The following KSR2 variants were observed in gnomAD, a reference collection of about 807,000 sequenced individuals.
The protein encoded by KSR2 is kinase suppressor of ras 2.
A neutral mutation model predicts 107.8 loss-of-function variants in KSR2; 25 were observed. That is an observed-to-expected ratio of 0.23 (90% CI 0.17 to 0.32). KSR2 has a LOEUF of 0.32. Among genes scored for constraint, KSR2 ranks in the 10% least tolerant of loss-of-function variants. The pLI is 1.00. For synonymous variants in KSR2, 480 were observed against 507.0 expected (o/e 0.95, Z 0.71); for missense variants, 887 against 1,268.9 (o/e 0.70, Z 4.57).
chr12:117,466,905 T>G lies in KSR2; in HGVS notation c.*294A>C. The G allele has an allele frequency of 2.8e-6, 1 of 363,556 alleles. No individual in the cohort carries two copies. 22.5% of individuals were successfully genotyped at this position (363,556 alleles called of 1,614,324 possible). A position where few individuals can be genotyped will look rare whatever the true frequency, so the allele number is the denominator to read the frequency against. ...AGTCCCATAGCCCAAAGGCACCACGTGCAGCCTGCAGTGCTCTCATTAGTG... is the reference window on the plus strand; with the variant it reads ...AGTCCCATAGCCCAAAGGCACCACGGGCAGCCTGCAGTGCTCTCATTAGTG... On this transcript the variant is annotated 3_prime_UTR_variant, in exon 20 of 20. Transcript: ENST00000339824.
intron 5 of KSR2, among the ~76,000 whole-genome samples, chr12:117,634,100 C>T (rs1363838054): frequency 1.3e-5 from 2 of 152,108 alleles, no homozygotes; most frequent in African/African-American, 2.4e-5. Flanking sequence ...ATGTGGTGGG[C>T]GATCCATGAC....
intron 6 of KSR2, 72 bp downstream of exon 6, chr12:117,582,218 G>T: frequency 7.7e-7 from 1 of 1,306,346 alleles, no homozygotes; most frequent in Non-Finnish European, 1.1e-6. Context: ...CTCACCCCAG[G>T]GCAGGGGCCA....
At chr12:117,740,115 G>T (rs1888116431) in intron 4 of KSR2, among the ~76,000 whole-genome samples, 1 of 146,604 alleles carries the variant, frequency 6.8e-6, no homozygotes. Context: ...AAAGTTCATT[G>T]TATCATTCTT....
At position 117,968,903 on chromosome 12, in the gene KSR2, T is replaced by TGCTGCTGCTGCC. The variant is rs551570827; in HGVS notation, c.-660_-649dup. The TGCTGCTGCTGCC allele has an allele frequency of 3.3e-4, 84 of 255,964 alleles. 1 individual carries two copies. Among genetic ancestry groups the TGCTGCTGCTGCC allele is most frequent in the South Asian group, 2.9e-3 (83 of 28,242 alleles). 15.9% of individuals were successfully genotyped at this position (255,964 alleles called of 1,614,324 possible). On this transcript the variant is annotated 5_prime_UTR_variant, in exon 1 of 20. Transcript: ENST00000339824. ...TGTCTCCTCCCCGCGCTGCTGCTGC[T>TGCTGCTGCTGCC]GCTGCTGCTGCCGCCGCCGGGCTCC...
At chr12:117,699,597 G>A (rs1413797296) in intron 4 of KSR2, among the ~76,000 whole-genome samples, 1 of 152,124 alleles carries the variant, frequency 6.6e-6, no homozygotes, top group East Asian at 1.9e-4. Flanking sequence ...CATAGAAAAG[G>A]TACAGGCAAA....
intron 1 of KSR2, among the ~76,000 whole-genome samples, chr12:117,940,302 T>C (rs891798363): frequency 4.6e-5 from 7 of 152,202 alleles, no homozygotes; most frequent in Non-Finnish European, 8.8e-5. Flanking sequence ...GTAACTTTTA[T>C]TCATACCCCA....
chr12:117,632,365 C>G (rs1195009246), intron 5 of KSR2, among the ~76,000 whole-genome samples: 2 of 151,644 alleles, frequency 1.3e-5, no homozygotes, highest in South Asian at 2.1e-4. Context: ...GCTGGGATTA[C>G]AGGTGCCCGC....
At chr12:117,470,244 C>T (rs374658147) in intron 18 of KSR2, among the ~76,000 whole-genome samples, 2 of 148,362 alleles carry the variant, frequency 1.3e-5, no homozygotes, top group Non-Finnish European at 1.5e-5. Context: ...TGTATCTACA[C>T]ATCTACCCAT....
chr12:117,812,308 G>C (rs1395559291), intron 3 of KSR2, among the ~76,000 whole-genome samples: 1 of 152,106 alleles, frequency 6.6e-6, no homozygotes, highest in Non-Finnish European at 1.5e-5. Flanking sequence ...ATGACATGTT[G>C]CAATGATTCT....
chr12:117,658,378 G>A (rs1454845014), intron 5 of KSR2, among the ~76,000 whole-genome samples: 2 of 152,244 alleles, frequency 1.3e-5, no homozygotes, highest in East Asian at 3.9e-4. Context: ...GATGGAGGAG[G>A]AGATGAAAAA....
intron 1 of KSR2, among the ~76,000 whole-genome samples, chr12:117,913,331 TA>T (rs1323136798): frequency 6.6e-6 from 1 of 152,156 alleles, no homozygotes; most frequent in African/African-American, 2.4e-5. Flanking sequence ...TATGGAACTG[TA>T]ATGACCCCTG....
At chr12:117,697,558 T>C (rs1886121129) in intron 4 of KSR2, among the ~76,000 whole-genome samples, 1 of 152,036 alleles carries the variant, frequency 6.6e-6, no homozygotes, top group South Asian at 2.1e-4. Flanking sequence ...CTGACCAACA[T>C]GGTGAAACCC....
chr12:117,908,698 T>C (rs1366301785), intron 1 of KSR2, among the ~76,000 whole-genome samples: 1 of 152,132 alleles, frequency 6.6e-6, no homozygotes, highest in East Asian at 1.9e-4. Context: ...CAAAGAAAAG[T>C]ATTCAGTTGA....
rs762240593 is a variant in KSR2, at chr12:117,761,443, G to A, written c.554C>T (p.Pro185Leu). ...GGTGCGGATCCACGGGGTGGGCTCC[G>A]GGGGGCACACGGGATTGTTCTCCTT... ...TGKENNPVCP[P>L]EPTPWIRTHL... Residue 185 changes from proline (P) to leucine (L), a missense_variant, in exon 4 of 20, where the codon CCG becomes CTG. By Grantham distance (98) the Pro-to-Leu change is moderately conservative (BLOSUM62 -3). Coordinates refer to ENST00000339824, the MANE Select transcript of KSR2 (RefSeq NM_173598.6). 51 of 1,612,244 alleles carry A rather than the reference G, an allele frequency of 3.2e-5. No homozygotes were observed. The South Asian group carries it at 3.5e-4, about 11-fold the overall frequency.
Position 117,751,714 on chromosome 12 carries a change from G to A in KSR2, c.986+9297C>T, listed in dbSNP as rs1233221046. 2.0e-5 allele frequency among the ~76,000 whole-genome samples: 3 copies of A among 152,106 alleles called. No individual in the cohort carries two copies. In the East Asian group the frequency reaches 5.8e-4, roughly 29 times the overall value. The stretch of plus-strand genomic sequence containing the variant: ...ATAGTTGCCACACCTGCTTAATGTG[G>A]GTCTCATCACTTTGTACCAAACTGC... On this transcript the variant is annotated intron_variant, in intron 4 of 19. Transcript: ENST00000339824.
At chr12:117,801,737 C>T (rs1043184320) in intron 3 of KSR2, among the ~76,000 whole-genome samples, 2 of 152,112 alleles carry the variant, frequency 1.3e-5, no homozygotes, top group Non-Finnish European at 2.9e-5. Flanking sequence ...ACCTCCAATA[C>T]TGGAGATTAT....
chr12:117,647,874 T>C (rs1043818147), intron 5 of KSR2, among the ~76,000 whole-genome samples: 2 of 152,094 alleles, frequency 1.3e-5, no homozygotes, highest in Non-Finnish European at 2.9e-5. Flanking sequence ...CTGGCTTTTT[T>C]ACCTTTATTT....
rs1161376540 is a variant in KSR2 at position 117,453,981 on chromosome 12, C to A, written c.*13218G>T. 6.6e-6 allele frequency: 1 copy of A among 152,128 alleles called. No individual in the cohort carries two copies. The highest frequency in any genetic ancestry group is 1.5e-5 in the Non-Finnish European group (1 of 68,014). The allele number at this position is 152,128 out of a possible 1,614,324, so 9.4% of individuals were successfully genotyped here. On this transcript the variant is annotated 3_prime_UTR_variant, in exon 20 of 20. Coordinates refer to ENST00000339824, the MANE Select transcript of KSR2 (RefSeq NM_173598.6). Reference sequence around the variant, plus strand: ...ACGGGGGGAGGGGGTGTCCTTATGACACTTGGGCATCCCTCCCCATGTTCA... The same window carrying A: ...ACGGGGGGAGGGGGTGTCCTTATGAAACTTGGGCATCCCTCCCCATGTTCA...
intron 5 of KSR2, among the ~76,000 whole-genome samples, chr12:117,641,682 T>C (rs1158085441): frequency 6.6e-6 from 1 of 152,196 alleles, no homozygotes; most frequent in East Asian, 1.9e-4. Context: ...TTCCAAGGTA[T>C]TGGGGGTTAG....
Sources: allele counts gnomAD v4.1 joint callset (sites outside exome capture counted in the v4.1 genomes callset), GRCh38; gene constraint gnomAD v4.1.1; transcripts MANE v1.5; gene names NCBI Gene and HGNC (gene_info 2026-07-23, HGNC 2026-07-21).